The following DPP10 variants were observed in gnomAD, a reference collection of about 807,000 sequenced individuals.
DPP10 encodes dipeptidyl peptidase like 10.
In DPP10, 33 loss-of-function variants were observed where a neutral mutation model predicts 120.9. The ratio of observed to expected loss-of-function variants is 0.27; its 90% confidence interval spans 0.21 to 0.37. The LOEUF is 0.37. Ranked by LOEUF, DPP10 falls within the 10% of genes least tolerant of loss-of-function variation. The pLI, the probability that DPP10 is intolerant of heterozygous loss-of-function variation, is 1.00. For synonymous variants in DPP10, 337 were observed against 326.1 expected (o/e 1.03, Z -0.36); for missense variants, 816 against 942.8 (o/e 0.87, Z 1.76).
chr2:115,743,828 T>G (rs1677603954), intron 9 of DPP10, among the ~76,000 whole-genome samples: 1 of 150,634 alleles, frequency 6.6e-6, no homozygotes, highest in Non-Finnish European at 1.5e-5. Flanking sequence ...ACTGAACATT[T>G]GGACTCAGGT....
At chr2:115,366,794 C>T (rs1439857999) in intron 3 of DPP10, among the ~76,000 whole-genome samples, 2 of 152,026 alleles carry the variant, frequency 1.3e-5, no homozygotes, top group African/African-American at 2.4e-5. Flanking sequence ...TGTTGCATTC[C>T]TGTAATAATT....
intron 1 of DPP10, among the ~76,000 whole-genome samples, chr2:114,618,939 G>A (rs1416909827): frequency 6.6e-6 from 1 of 151,962 alleles, no homozygotes; most frequent in East Asian, 1.9e-4. Flanking sequence ...CACTCTTAAT[G>A]TACAGAATTA....
At chr2:115,347,252 G>T (rs1202374423) in intron 3 of DPP10, among the ~76,000 whole-genome samples, 1 of 152,058 alleles carries the variant, frequency 6.6e-6, no homozygotes, top group Non-Finnish European at 1.5e-5. Flanking sequence ...ATAATAAAAT[G>T]AGGGAGAAAC....
intron 3 of DPP10, among the ~76,000 whole-genome samples, chr2:115,404,477 A>T (rs2068359434): frequency 1.3e-5 from 2 of 152,140 alleles, no homozygotes; most frequent in Non-Finnish European, 2.9e-5. Context: ...AACTATAAAC[A>T]TTGAGGAAAG....
At chr2:114,977,027 C>T (rs1004119843) in intron 1 of DPP10, among the ~76,000 whole-genome samples, 2 of 152,056 alleles carry the variant, frequency 1.3e-5, no homozygotes, top group African/African-American at 4.8e-5. Flanking sequence ...AGTCAAGAAT[C>T]CTACTTTGTT....
chr2:114,983,929 C>G (rs1356618214), intron 1 of DPP10, among the ~76,000 whole-genome samples: 1 of 152,192 alleles, frequency 6.6e-6, no homozygotes, highest in African/African-American at 2.4e-5. Context: ...GATATTCTGG[C>G]TCCAGAGCCC....
intron 1 of DPP10, among the ~76,000 whole-genome samples, chr2:114,484,654 G>T (rs956412289): frequency 6.6e-5 from 10 of 152,058 alleles, no homozygotes; most frequent in Non-Finnish European, 1.3e-4. Flanking sequence ...CTAGGAGTTT[G>T]CTAGAAATAC....
intron 1 of DPP10, among the ~76,000 whole-genome samples, chr2:114,525,770 T>C (rs1284073239): frequency 6.6e-6 from 1 of 152,222 alleles, no homozygotes. Flanking sequence ...TATGATTTTA[T>C]GAACATCTCC....
chr2:115,206,537 C>CT (rs1478051531), intron 1 of DPP10, among the ~76,000 whole-genome samples: 1 of 152,074 alleles, frequency 6.6e-6, no homozygotes, highest in Admixed American at 6.6e-5. Context: ...TGTCTATTTG[C>CT]TTTTTTTCTC....
At chr2:115,565,779 G>GTT (rs1208433324) in intron 5 of DPP10, among the ~76,000 whole-genome samples, 23 of 101,564 alleles carry the variant, frequency 2.3e-4, no homozygotes, top group African/African-American at 7.1e-4. Flanking sequence ...GTTTTTTTTT[G>GTT]TTTTTTTTTG....
chr2:115,742,322 T>C (rs140093198), intron 9 of DPP10, among the ~76,000 whole-genome samples: 16 of 152,270 alleles, frequency 1.1e-4, no homozygotes, highest in African/African-American at 3.8e-4. Flanking sequence ...AGTTAACATA[T>C]ACATATGGAG....
chr2:115,448,188 T>C (rs2104940057), intron 3 of DPP10, among the ~76,000 whole-genome samples: 1 of 152,270 alleles, frequency 6.6e-6, no homozygotes, highest in South Asian at 2.1e-4. Flanking sequence ...ACTTGAAAGA[T>C]TCTATTCCAG....
intron 1 of DPP10, among the ~76,000 whole-genome samples, chr2:114,719,950 G>A (rs1180788931): frequency 6.6e-6 from 1 of 152,202 alleles, no homozygotes; most frequent in Non-Finnish European, 1.5e-5. Context: ...TGTGACAAAA[G>A]TCTGTCAGGT....
chr2:115,315,919 G>A (rs12990078), intron 2 of DPP10, among the ~76,000 whole-genome samples: 5,929 of 151,938 alleles, frequency 0.039, 121 homozygotes, highest in South Asian at 0.064. Flanking sequence ...TGGCATTAAC[G>A]GAATAAAAAC....
At chr2:115,414,978 G>A (rs1428923840) in intron 3 of DPP10, among the ~76,000 whole-genome samples, 1 of 152,128 alleles carries the variant, frequency 6.6e-6, no homozygotes, top group Non-Finnish European at 1.5e-5. Flanking sequence ...TCTCTAAAGT[G>A]CTATTGCCGA....
At chr2:115,256,632 G>A (rs1289470464) in intron 1 of DPP10, among the ~76,000 whole-genome samples, 2 of 152,194 alleles carry the variant, frequency 1.3e-5, no homozygotes, top group East Asian at 3.8e-4. Flanking sequence ...CTGCTGAAAT[G>A]CCTTTGAGGC....
At chr2:114,834,649 C>A (rs1208161149) in intron 1 of DPP10, among the ~76,000 whole-genome samples, 1 of 133,438 alleles carries the variant, frequency 7.5e-6, no homozygotes, top group Non-Finnish European at 1.6e-5. Flanking sequence ...TATCTACACA[C>A]CTATGTATAT....
intron 1 of DPP10, among the ~76,000 whole-genome samples, chr2:115,154,765 C>T (rs978284193): frequency 1.3e-5 from 2 of 152,006 alleles, no homozygotes; most frequent in Non-Finnish European, 2.9e-5. Flanking sequence ...CAGTTAACTC[C>T]AGTCCCCAAC....
intron 7 of DPP10, among the ~76,000 whole-genome samples, chr2:115,709,625 TAA>T (rs59775151): frequency 0.15 from 22,105 of 150,912 alleles, 2,422 homozygotes; most frequent in East Asian, 0.52. Flanking sequence ...GTATTTAAAA[TAA>T]AAAAAAAATT....
Sources: allele counts gnomAD v4.1 joint callset (sites outside exome capture counted in the v4.1 genomes callset), GRCh38; gene constraint gnomAD v4.1.1; transcripts MANE v1.5; gene names NCBI Gene and HGNC (gene_info 2026-07-23, HGNC 2026-07-21).